IFT70A: variants seen among roughly 807,000 people sequenced by gnomAD.
IFT70A encodes the protein intraflagellar transport 70A.
chr2:177,616,134 T>G, the IFT70A span: 1 of 152,256 alleles, frequency 6.6e-6, no homozygotes, highest in Non-Finnish European at 1.5e-5. Flanking sequence ...ATTATACTTG[T>G]ACTTCTAAAA....
the IFT70A span, chr2:177,618,534 G>T: frequency 6.3e-7 from 1 of 1,591,826 alleles, no homozygotes; most frequent in Middle Eastern, 1.7e-4. Context: ...CCTGCAGGCG[G>T]TAGTAGCAGT....
the IFT70A span, chr2:177,618,309 C>T: frequency 6.2e-7 from 1 of 1,614,104 alleles, no homozygotes; most frequent in Non-Finnish European, 8.5e-7. Flanking sequence ...GGCTCCTGGA[C>T]CCTGGCAGAT....
the IFT70A span, chr2:177,617,432 T>C: frequency 3.7e-6 from 6 of 1,608,506 alleles, no homozygotes; most frequent in African/African-American, 4.0e-5. Flanking sequence ...AACACAGGAA[T>C]GTATTTCTCC....
At chr2:177,615,438 T>C in the IFT70A span, 1 of 152,022 alleles carries the variant, frequency 6.6e-6, no homozygotes, top group Non-Finnish European at 1.5e-5. Flanking sequence ...TATTAATTTA[T>C]GCGCAACCAT....
chr2:177,617,654 T>C, the IFT70A span: 4 of 1,614,190 alleles, frequency 2.5e-6, no homozygotes, highest in Non-Finnish European at 3.4e-6. Flanking sequence ...AACTTATACG[T>C]CAAATGGGCA....
At chr2:177,618,497 C>T in the IFT70A span, 2 of 1,587,868 alleles carry the variant, frequency 1.3e-6, no homozygotes, top group South Asian at 2.3e-5. Flanking sequence ...CCCAGCTGCT[C>T]ATAGCACTCG....
chr2:177,616,423 G>A, the IFT70A span: 4 of 256,734 alleles, frequency 1.6e-5, no homozygotes, highest in Non-Finnish European at 2.2e-5. Flanking sequence ...ACTCTATCTG[G>A]GGTTACTTGC....
At chr2:177,618,740 C>T in the IFT70A span, 15 of 1,509,396 alleles carry the variant, frequency 9.9e-6, no homozygotes, top group Non-Finnish European at 1.3e-5. Flanking sequence ...ACCACGGCAA[C>T]AGGGCAACCG....
chr2:177,614,309 T>C, the IFT70A span: 2 of 152,198 alleles, frequency 1.3e-5, no homozygotes, highest in Admixed American at 1.3e-4. Flanking sequence ...CCTCTAAAGT[T>C]GAGTATATTT....
At chr2:177,614,392 T>C in the IFT70A span, 3 of 152,180 alleles carry the variant, frequency 2.0e-5, no homozygotes, top group Non-Finnish European at 2.9e-5. Flanking sequence ...GTTTTTCTAC[T>C]GAGTTCAAAA....
At chr2:177,616,758 A>G in the IFT70A span, 1 of 1,571,658 alleles carries the variant, frequency 6.4e-7, no homozygotes, top group Non-Finnish European at 8.6e-7. Flanking sequence ...GTCTGGACTC[A>G]TCTGTGACTG....
At chr2:177,617,773 T>C in the IFT70A span, 2 of 1,614,078 alleles carry the variant, frequency 1.2e-6, no homozygotes, top group Admixed American at 3.3e-5. Context: ...GAGCAAAAAC[T>C]GTAGCTTTTC....
chr2:177,618,381 A>T, the IFT70A span: 1 of 1,613,530 alleles, frequency 6.2e-7, no homozygotes, highest in South Asian at 1.1e-5. Context: ...AGGCGGGGTT[A>T]TCCAGGAGAA....
At chr2:177,618,741 A>C in the IFT70A span, 2 of 1,505,432 alleles carry the variant, frequency 1.3e-6, no homozygotes, top group Non-Finnish European at 8.9e-7. Flanking sequence ...CCACGGCAAC[A>C]GGGCAACCGG....
chr2:177,617,518 T>C, the IFT70A span: 2 of 1,614,132 alleles, frequency 1.2e-6, no homozygotes, highest in African/African-American at 1.3e-5. Flanking sequence ...CTGTACTTGC[T>C]TGGTGAGTCT....
the IFT70A span, chr2:177,616,501 A>T: frequency 2.4e-6 from 1 of 409,418 alleles, no homozygotes; most frequent in South Asian, 9.0e-5. Flanking sequence ...ACTAGTAGGA[A>T]GAAAGCAGAA....
the IFT70A span, chr2:177,614,016 A>G: frequency 3.9e-5 from 6 of 152,182 alleles, no homozygotes; most frequent in Non-Finnish European, 8.8e-5. Flanking sequence ...TTCCTTATGA[A>G]GCAAGTCCTT....
chr2:177,617,788 C>A, the IFT70A span: 1 of 1,614,102 alleles, frequency 6.2e-7, no homozygotes, highest in Non-Finnish European at 8.5e-7. Flanking sequence ...CTTTTCAAAC[C>A]CTTCTGTAGG....
At chr2:177,614,649 T>C in the IFT70A span, 10 of 152,230 alleles carry the variant, frequency 6.6e-5, no homozygotes, top group African/African-American at 2.4e-4. Flanking sequence ...TTGTTATGCA[T>C]CTTTTATACC....
Sources: gnomAD v4.1 joint callset for allele counts on GRCh38, gnomAD v4.1.1 for gene constraint, MANE v1.5 for transcripts, NCBI Gene and HGNC (gene_info 2026-07-23, HGNC 2026-07-21) for gene names.